CAV1: variants seen among roughly 807,000 people sequenced by gnomAD.
CAV1 encodes caveolin 1.
In CAV1, 10 loss-of-function variants were observed where a neutral mutation model predicts 16.5. The ratio of observed to expected loss-of-function variants is 0.61; its 90% confidence interval spans 0.37 to 1.03. The LOEUF is 1.03. CAV1 is among the 50% of genes least tolerant of loss of function. CAV1 has a pLI of 0.01. For synonymous variants in CAV1, 76 were observed against 85.1 expected, an observed-to-expected ratio of 0.89 and a Z score of 0.59; for missense variants, 212 against 232.8, an observed-to-expected ratio of 0.91 and a Z score of 0.58.
At position 116,560,110 on chromosome 7, in the gene CAV1, C is replaced by T; in HGVS notation, c.*823C>T. ...TCTGGTGAAGCTCACTTCTGGGCTT[C>T]ATCTGGCAACATCTTTATCCGTAGT... On this transcript the variant is annotated 3_prime_UTR_variant, in exon 3 of 3. Transcript: ENST00000341049. The T allele has an allele frequency of 3.0e-6, 1 of 332,106 alleles. No homozygotes were observed. The allele number at this position is 332,106 out of a possible 1,614,324, so 20.6% of individuals were successfully genotyped here.
intron 2 of CAV1, among the ~76,000 whole-genome samples, chr7:116,535,942 C>T (rs1463544603): frequency 6.6e-6 from 1 of 152,110 alleles, no homozygotes; most frequent in African/African-American, 2.4e-5. Context: ...AATATTCTAT[C>T]TCATAGCAAT....
chr7:116,551,056 A>C (rs1794152150), intron 2 of CAV1, among the ~76,000 whole-genome samples: 1 of 152,198 alleles, frequency 6.6e-6, no homozygotes, highest in African/African-American at 2.4e-5. Flanking sequence ...AGGAGCTGTA[A>C]TTAAATCCAA....
chr7:116,546,191 G>T (rs1794042514), intron 2 of CAV1, among the ~76,000 whole-genome samples: 1 of 152,146 alleles, frequency 6.6e-6, no homozygotes, highest in Non-Finnish European at 1.5e-5. Flanking sequence ...ATCAACATGT[G>T]CTACCAAATT....
intron 2 of CAV1, among the ~76,000 whole-genome samples, chr7:116,540,882 T>A (rs1793921710): frequency 6.6e-6 from 1 of 152,140 alleles, no homozygotes; most frequent in African/African-American, 2.4e-5. Flanking sequence ...AAAACCAAGA[T>A]GCCTGGTGAG....
At chr7:116,530,687 G>A (rs1201259275) in intron 2 of CAV1, among the ~76,000 whole-genome samples, 3 of 152,184 alleles carry the variant, frequency 2.0e-5, no homozygotes, top group African/African-American at 7.2e-5. Context: ...CCACAAGGGA[G>A]TTGTAGTAGC....
intron 1 of CAV1, 194 bp downstream of exon 1, chr7:116,525,286 T>C: frequency 1.3e-6 from 2 of 1,563,212 alleles, no homozygotes; most frequent in Non-Finnish European, 1.7e-6. Flanking sequence ...TTTTATGTTT[T>C]CCTAATGGAG....
intron 2 of CAV1, among the ~76,000 whole-genome samples, chr7:116,527,487 T>C (rs1329121454): frequency 1.3e-5 from 2 of 152,216 alleles, no homozygotes; most frequent in African/African-American, 4.8e-5. Context: ...TTAAAAATAA[T>C]TGGACTGGGT....
At chr7:116,534,733 G>C (rs1298462691) in intron 2 of CAV1, among the ~76,000 whole-genome samples, 1 of 152,094 alleles carries the variant, frequency 6.6e-6, no homozygotes, top group East Asian at 1.9e-4. Context: ...TAGAGGTGGA[G>C]CCTGAGTATC....
chr7:116,546,931 T>A lies in CAV1; in HGVS notation c.196-12015T>A, dbSNP rs527907197. Reference sequence around the variant, plus strand: ...AATCAAGGTGTCAGCAAGGCTATGCTTTTTCTGAAGCCTATAGGGAAGGCC... The same window carrying A: ...AATCAAGGTGTCAGCAAGGCTATGCATTTTCTGAAGCCTATAGGGAAGGCC... On this transcript the variant is annotated intron_variant, in intron 2 of 2. Coordinates refer to ENST00000341049, the MANE Select transcript of CAV1 (RefSeq NM_001753.5). Among the ~76,000 whole-genome samples, 6 of 152,290 alleles carry A rather than the reference T, an allele frequency of 3.9e-5. No individual in the cohort carries two copies. The South Asian group carries it at 1.2e-3, about 32-fold the overall frequency.
At chr7:116,556,889 C>T (rs1794304992) in intron 2 of CAV1, among the ~76,000 whole-genome samples, 1 of 152,180 alleles carries the variant, frequency 6.6e-6, no homozygotes, top group Non-Finnish European at 1.5e-5. Flanking sequence ...GCCTTCAAAT[C>T]CTCTTACAAA....
At chr7:116,538,760 A>G (rs184088596) in intron 2 of CAV1, among the ~76,000 whole-genome samples, 1 of 152,306 alleles carries the variant, frequency 6.6e-6, no homozygotes, top group East Asian at 1.9e-4. Context: ...TATTTAAAAA[A>G]AGAGGTTTAA....
intron 2 of CAV1, among the ~76,000 whole-genome samples, chr7:116,532,478 G>C (rs1030606847): frequency 2.0e-5 from 3 of 152,156 alleles, no homozygotes; most frequent in Admixed American, 1.3e-4. Context: ...GGAAAGTTGA[G>C]GGCTGCTGTC....
At chr7:116,546,697 C>CCAAAAAAAAAAAAAAAA (rs1794054518) in intron 2 of CAV1, among the ~76,000 whole-genome samples, 2 of 88,386 alleles carry the variant, frequency 2.3e-5, no homozygotes, top group African/African-American at 8.9e-5. Context: ...GACTCTGTCA[C>CCAAAAAAAAAAAAAAAA]AAAAAAAAAA....
chr7:116,538,312 A>G (rs975823212), intron 2 of CAV1, among the ~76,000 whole-genome samples: 2 of 152,264 alleles, frequency 1.3e-5, no homozygotes, highest in African/African-American at 4.8e-5. Context: ...GCCAGAAGGA[A>G]GAAGCAGATT....
chr7:116,543,413 A>T (rs1422641064), intron 2 of CAV1, among the ~76,000 whole-genome samples: 2 of 152,236 alleles, frequency 1.3e-5, no homozygotes, highest in Non-Finnish European at 2.9e-5. Context: ...AACAGATGGC[A>T]TGCTGAATGC....
intron 2 of CAV1, among the ~76,000 whole-genome samples, chr7:116,551,022 G>A (rs1794149547): frequency 6.6e-6 from 1 of 152,178 alleles, no homozygotes; most frequent in Non-Finnish European, 1.5e-5. Flanking sequence ...CAGGAGTGGA[G>A]GAGAAAGAAT....
chr7:116,532,379 G>T (rs542284717), intron 2 of CAV1, among the ~76,000 whole-genome samples: 40 of 152,290 alleles, frequency 2.6e-4, no homozygotes, highest in Admixed American at 7.2e-4. Context: ...CTTTGTGATG[G>T]AATGACCAGA....
intron 2 of CAV1, among the ~76,000 whole-genome samples, chr7:116,544,830 T>C (rs1463825348): frequency 6.6e-6 from 1 of 152,184 alleles, no homozygotes. Flanking sequence ...CACCCTTCCT[T>C]GGTAATAATT....
At chr7:116,525,627 G>A in intron 1 of CAV1, 1 of 1,128,404 alleles carries the variant, frequency 8.9e-7, no homozygotes, top group Non-Finnish European at 1.1e-6. Flanking sequence ...GCGTCTGGCA[G>A]GGGTGTTCCG....
Sources: allele counts gnomAD v4.1 joint callset (sites outside exome capture counted in the v4.1 genomes callset), GRCh38; gene constraint gnomAD v4.1.1; transcripts MANE v1.5; gene names NCBI Gene and HGNC (gene_info 2026-07-23, HGNC 2026-07-21).